Variants in NDUFAF2 observed in about 807,000 individuals in gnomAD.
NDUFAF2 encodes NADH:ubiquinone oxidoreductase complex assembly factor 2.
A neutral mutation model predicts 22.8 loss-of-function variants in NDUFAF2; 13 were observed. The ratio of observed to expected loss-of-function variants is 0.57; its 90% CI spans 0.37 to 0.91. NDUFAF2 has a LOEUF of 0.91. NDUFAF2 is among the 40% of genes least tolerant of loss of function. The pLI is 0.01. For missense variants in NDUFAF2, 162 were observed against 195.2 expected, an observed-to-expected ratio of 0.83 and a Z score of 1.01; for synonymous variants, 53 against 64.2, an observed-to-expected ratio of 0.83 and a Z score of 0.84.
intron 3 of NDUFAF2, among the ~76,000 whole-genome samples, chr5:61,121,599 CTG>C (rs1752977263): frequency 6.6e-6 from 1 of 152,064 alleles, no homozygotes; most frequent in Non-Finnish European, 1.5e-5. Context: ...CTTGGCTAGA[CTG>C]TGGTACCCAG....
chr5:61,041,061 T>A (rs773985741), intron 1 of NDUFAF2, among the ~76,000 whole-genome samples: 9 of 152,164 alleles, frequency 5.9e-5, no homozygotes, highest in South Asian at 2.1e-4. Context: ...AAAGCACAGA[T>A]CATTTATAAA....
chr5:61,039,323 T>C (rs1054607610), intron 1 of NDUFAF2, among the ~76,000 whole-genome samples: 15 of 152,104 alleles, frequency 9.9e-5, no homozygotes, highest in Admixed American at 9.2e-4. Context: ...TTCTAAAAAA[T>C]CATGTTTCTG....
At chr5:61,008,326 A>G (rs1261160001) in intron 1 of NDUFAF2, among the ~76,000 whole-genome samples, 1 of 152,038 alleles carries the variant, frequency 6.6e-6, no homozygotes, top group African/African-American at 2.4e-5. Context: ...GGATTTTCAC[A>G]TCTCTCAAAC....
intron 1 of NDUFAF2, among the ~76,000 whole-genome samples, chr5:60,970,688 C>T (rs13181521): frequency 6.6e-6 from 1 of 152,154 alleles, no homozygotes; most frequent in Admixed American, 6.5e-5. Context: ...CCCTTTCTTT[C>T]TCTTGCCTGA....
chr5:61,090,599 T>C (rs1752554483), intron 2 of NDUFAF2, among the ~76,000 whole-genome samples: 2 of 152,228 alleles, frequency 1.3e-5, no homozygotes, highest in Non-Finnish European at 2.9e-5. Context: ...AAACCTTTTA[T>C]AGATATATAG....
At chr5:61,076,563 G>A (rs1222073240) in intron 2 of NDUFAF2, among the ~76,000 whole-genome samples, 2 of 152,222 alleles carry the variant, frequency 1.3e-5, no homozygotes, top group Non-Finnish European at 2.9e-5. Flanking sequence ...GGGATAGAAT[G>A]AGAGAGAAAT....
chr5:61,120,122 A>G (rs1332430036), intron 3 of NDUFAF2, among the ~76,000 whole-genome samples: 1 of 152,178 alleles, frequency 6.6e-6, no homozygotes, highest in African/African-American at 2.4e-5. Flanking sequence ...AAGCACTTGA[A>G]ACATAGTAAC....
chr5:61,064,857 A>G (rs1295763889), intron 1 of NDUFAF2, among the ~76,000 whole-genome samples: 3 of 152,042 alleles, frequency 2.0e-5, no homozygotes, highest in Non-Finnish European at 4.4e-5. Flanking sequence ...AAAAAGCAGA[A>G]GGAAGGAAAT....
At chr5:61,030,091 A>G (rs1469290168) in intron 1 of NDUFAF2, among the ~76,000 whole-genome samples, 1 of 152,134 alleles carries the variant, frequency 6.6e-6, no homozygotes, top group Non-Finnish European at 1.5e-5. Context: ...GGTCAGTCTC[A>G]AAGACATTCA....
chr5:61,050,881 G>A (rs992658831), intron 1 of NDUFAF2, among the ~76,000 whole-genome samples: 2 of 152,066 alleles, frequency 1.3e-5, no homozygotes, highest in African/African-American at 4.8e-5. Flanking sequence ...GATCCAAAGA[G>A]AAAGTGAGTA....
chr5:61,093,095 G>T (rs537586441), intron 2 of NDUFAF2, among the ~76,000 whole-genome samples: 2 of 152,326 alleles, frequency 1.3e-5, no homozygotes, highest in East Asian at 3.9e-4. Flanking sequence ...AGAGCAGGAA[G>T]CATCCAGCAT....
At chr5:60,955,758 T>A (rs1750607353) in intron 1 of NDUFAF2, among the ~76,000 whole-genome samples, 1 of 152,160 alleles carries the variant, frequency 6.6e-6, no homozygotes, top group South Asian at 2.1e-4. Flanking sequence ...CTTTCATCCA[T>A]GTTTTATAGT....
chr5:61,142,045 A>T (rs1741067509), intron 3 of NDUFAF2, among the ~76,000 whole-genome samples: 2 of 152,106 alleles, frequency 1.3e-5, no homozygotes, highest in Non-Finnish European at 2.9e-5. Context: ...GGGATCTGAC[A>T]TTGCTTTTTC....
intron 1 of NDUFAF2, among the ~76,000 whole-genome samples, chr5:60,963,994 A>T (rs1750723232): frequency 6.6e-6 from 1 of 152,204 alleles, no homozygotes; most frequent in South Asian, 2.1e-4. Flanking sequence ...ATGGAGAATT[A>T]TTCCAGGGTT....
intron 2 of NDUFAF2, among the ~76,000 whole-genome samples, chr5:61,093,407 C>T (rs1752596526): frequency 6.6e-6 from 1 of 152,152 alleles, no homozygotes. Context: ...TCATATATGG[C>T]TCTTATTATT....
chr5:61,135,281 A>G (rs549781118), intron 3 of NDUFAF2, among the ~76,000 whole-genome samples: 115 of 152,204 alleles, frequency 7.6e-4, no homozygotes, highest in African/African-American at 2.7e-3. Flanking sequence ...TCCTTAGAGA[A>G]ATAGCTGATG....
At position 60,946,889 on chromosome 5, in the gene NDUFAF2, AG is replaced by A. The variant is rs150371740; in HGVS notation, c.127+1509del. Among the ~76,000 whole-genome samples the A allele has an allele frequency of 5.6e-3, 856 of 152,334 alleles. 10 individuals carry two copies. The highest frequency in any genetic ancestry group is 0.02 in the African/African-American group (829 of 41,578). ...GAATATCATATAAATGGAATTATAC[AG>A]GATTTAGACTTTTGAGTCTGGCTTG... On this transcript the variant is annotated intron_variant, in intron 1 of 3. Coordinates refer to ENST00000296597, the MANE Select transcript of NDUFAF2 (RefSeq NM_174889.5).
intron 1 of NDUFAF2, among the ~76,000 whole-genome samples, chr5:61,051,210 C>T (rs1752019999): frequency 6.6e-6 from 1 of 152,180 alleles, no homozygotes; most frequent in South Asian, 2.1e-4. Flanking sequence ...GCCCACCTAA[C>T]TGCTATTTGA....
At chr5:61,080,514 T>C (rs1431885558) in intron 2 of NDUFAF2, among the ~76,000 whole-genome samples, 1 of 152,214 alleles carries the variant, frequency 6.6e-6, no homozygotes, top group African/African-American at 2.4e-5. Flanking sequence ...TCTCCAGCCA[T>C]TGCTGTTGTC....
Sources: allele counts gnomAD v4.1 joint callset (sites outside exome capture counted in the v4.1 genomes callset), GRCh38; gene constraint gnomAD v4.1.1; transcripts MANE v1.5; gene names NCBI Gene and HGNC (gene_info 2026-07-23, HGNC 2026-07-21).